ANKS1B: variants seen among roughly 807,000 people sequenced by gnomAD.
ANKS1B encodes ankyrin repeat and sterile alpha motif domain containing 1B.
A neutral mutation model predicts 148.3 loss-of-function variants in ANKS1B; 36 were observed. The ratio of observed to expected loss-of-function variants is 0.24; its 90% confidence interval spans 0.19 to 0.32. The LOEUF is 0.32. ANKS1B is among the 10% of genes least tolerant of loss of function. The probability of loss-of-function intolerance (pLI) is 1.00; values close to 1 mark genes in which losing one functional copy is unlikely to be tolerated. For synonymous variants in ANKS1B, 542 were observed against 560.8 expected (o/e 0.97, Z 0.47); for missense variants, 1,157 against 1,542.6 (o/e 0.75, Z 4.19).
chr12:99,803,744 A>G (rs1476196888), intron 4 of ANKS1B, among the ~76,000 whole-genome samples: 1 of 152,228 alleles, frequency 6.6e-6, no homozygotes, highest in Non-Finnish European at 1.5e-5. Flanking sequence ...AATAATGCAC[A>G]TATGCAAGCT....
intron 11 of ANKS1B, among the ~76,000 whole-genome samples, chr12:99,442,893 T>A (rs1441360984): frequency 6.6e-6 from 1 of 151,944 alleles, no homozygotes; most frequent in Non-Finnish European, 1.5e-5. Context: ...CCTCCTGTCT[T>A]GGATTTTATG....
intron 6 of ANKS1B, among the ~76,000 whole-genome samples, chr12:99,777,141 A>ATAAAT (rs1225592822): frequency 2.0e-5 from 3 of 152,270 alleles, no homozygotes; most frequent in Admixed American, 6.5e-5. Context: ...TTAAATGAAC[A>ATAAAT]GATCCCTTTT....
At chr12:98,742,068 G>A (rs2097802638), downstream of ANKS1B, among the ~76,000 whole-genome samples, 1 of 152,246 alleles carries the variant, frequency 6.6e-6, no homozygotes, top group African/African-American at 2.4e-5. Context: ...TTACTGTGGT[G>A]ATGAGACAGA....
intron 17 of ANKS1B, among the ~76,000 whole-genome samples, chr12:98,901,989 T>C (rs2099772761): frequency 6.6e-6 from 1 of 152,190 alleles, no homozygotes; most frequent in South Asian, 2.1e-4. Context: ...CCTGTTTGGA[T>C]CACAAATTTA....
chr12:99,414,819 A>G (rs2094843052), intron 11 of ANKS1B, among the ~76,000 whole-genome samples: 1 of 152,238 alleles, frequency 6.6e-6, no homozygotes. Flanking sequence ...TATTCCAGAG[A>G]GTATAAATGG....
At chr12:99,289,440 C>A (rs2154007030) in intron 12 of ANKS1B, among the ~76,000 whole-genome samples, 1 of 152,140 alleles carries the variant, frequency 6.6e-6, no homozygotes, top group Admixed American at 6.5e-5. Flanking sequence ...ATGTACAAAA[C>A]ATTTCATCCA....
intron 1 of ANKS1B, among the ~76,000 whole-genome samples, chr12:99,864,506 C>T (rs952721791): frequency 2.6e-5 from 4 of 152,128 alleles, no homozygotes; most frequent in African/African-American, 7.2e-5. Flanking sequence ...TCACACTAAT[C>T]TTCCCTCCTT....
chr12:99,709,412 A>C (rs1022225986), intron 8 of ANKS1B, among the ~76,000 whole-genome samples: 4 of 152,136 alleles, frequency 2.6e-5, no homozygotes, highest in Admixed American at 2.0e-4. Context: ...TGGGATGTTG[A>C]GAGGAGAAGG....
intron 10 of ANKS1B, among the ~76,000 whole-genome samples, chr12:99,491,640 T>A (rs1019011873): frequency 6.6e-6 from 1 of 152,166 alleles, no homozygotes; most frequent in Non-Finnish European, 1.5e-5. Context: ...TAAATGATGA[T>A]GAGCACTTCT....
intron 1 of ANKS1B, among the ~76,000 whole-genome samples, chr12:99,906,952 C>A (rs906991051): frequency 6.6e-6 from 1 of 152,094 alleles, no homozygotes; most frequent in Non-Finnish European, 1.5e-5. Flanking sequence ...AACAAAGATA[C>A]ACATAAGGTC....
chr12:98,890,289 G>A (rs1468325645), intron 17 of ANKS1B, among the ~76,000 whole-genome samples: 1 of 152,144 alleles, frequency 6.6e-6, no homozygotes, highest in Non-Finnish European at 1.5e-5. Flanking sequence ...CATATCAGGA[G>A]TACCAACCAA....
chr12:98,791,753 A>C (rs1208049696), intron 22 of ANKS1B, among the ~76,000 whole-genome samples: 1 of 152,212 alleles, frequency 6.6e-6, no homozygotes, highest in Non-Finnish European at 1.5e-5. Context: ...ATAGTTGTTT[A>C]AAAGTTTTTT....
At chr12:98,820,109 T>C (rs1566865793) in intron 19 of ANKS1B, among the ~76,000 whole-genome samples, 1 of 152,240 alleles carries the variant, frequency 6.6e-6, no homozygotes, top group Non-Finnish European at 1.5e-5. Context: ...CTCAAAACAT[T>C]GCATTGGAGC....
At chr12:99,576,557 A>C (rs1297669670) in intron 9 of ANKS1B, among the ~76,000 whole-genome samples, 1 of 152,150 alleles carries the variant, frequency 6.6e-6, no homozygotes, top group Admixed American at 6.5e-5. Context: ...GCACAGTAAA[A>C]ATAGAAATCA....
intron 12 of ANKS1B, among the ~76,000 whole-genome samples, chr12:99,369,800 G>A (rs1424966212): frequency 1.8e-4 from 23 of 130,162 alleles, no homozygotes; most frequent in African/African-American, 3.3e-4. Flanking sequence ...ATGGACGGAC[G>A]GACAGACGGA....
intron 1 of ANKS1B, among the ~76,000 whole-genome samples, chr12:99,937,225 G>C (rs965546901): frequency 6.6e-6 from 1 of 152,104 alleles, no homozygotes; most frequent in African/African-American, 2.4e-5. Context: ...TTGACAGCAG[G>C]AGAGCCCTTC....
intron 17 of ANKS1B, among the ~76,000 whole-genome samples, chr12:99,002,826 C>T (rs995440084): frequency 8.6e-5 from 13 of 151,970 alleles, no homozygotes; most frequent in African/African-American, 2.9e-4. Flanking sequence ...CTCACAGAAG[C>T]GTTTTAGTCT....
chr12:99,351,637 G>A (rs373167257), intron 12 of ANKS1B, among the ~76,000 whole-genome samples: 2 of 151,932 alleles, frequency 1.3e-5, no homozygotes, highest in African/African-American at 4.8e-5. Context: ...TTGTCATGAG[G>A]ATTAGAAATA....
intron 17 of ANKS1B, among the ~76,000 whole-genome samples, chr12:99,052,734 CAAAAAA>C (rs56965572): frequency 1.2e-4 from 3 of 26,016 alleles, no homozygotes; most frequent in African/African-American, 1.9e-4. Flanking sequence ...GACTCCGTCT[CAAAAAA>C]AAAAAAAAAA....
Sources: gnomAD v4.1 joint callset for allele counts (sites outside exome capture counted in the v4.1 genomes callset) on GRCh38, gnomAD v4.1.1 for gene constraint, MANE v1.5 for transcripts, NCBI Gene and HGNC (gene_info 2026-07-23, HGNC 2026-07-21) for gene names.